Variants in FOXP2 observed in about 807,000 individuals in gnomAD.
FOXP2 encodes the protein forkhead box P2.
A neutral mutation model predicts 115.8 loss-of-function variants in FOXP2; 12 were observed. The ratio of observed to expected loss-of-function variants is 0.10; its 90% CI spans 0.07 to 0.17. The LOEUF (loss-of-function observed/expected upper bound fraction) is 0.17. Among genes scored for constraint, FOXP2 ranks in the 10% least tolerant of loss-of-function variants. The probability of loss-of-function intolerance (pLI) is 1.00; values close to 1 mark genes in which losing one functional copy is unlikely to be tolerated. For missense variants in FOXP2, 629 were observed against 843.5 expected (o/e 0.75, Z 3.15); for synonymous variants, 328 against 297.7 (o/e 1.10, Z -1.05).
At chr7:114,177,133 A>G (rs987712892) in intron 1 of FOXP2, among the ~76,000 whole-genome samples, 1 of 152,142 alleles carries the variant, frequency 6.6e-6, no homozygotes, top group Non-Finnish European at 1.5e-5. Flanking sequence ...GTGTTTGGCT[A>G]TTAGGAATAA....
intron 3 of FOXP2, among the ~76,000 whole-genome samples, chr7:114,604,431 C>T (rs779205470): frequency 6.0e-4 from 92 of 152,130 alleles, no homozygotes; most frequent in Non-Finnish European, 9.7e-4. Context: ...AGAATAGTCT[C>T]TCATATGTTA....
At chr7:114,542,770 T>A (rs1433726340) in intron 3 of FOXP2, among the ~76,000 whole-genome samples, 2 of 148,480 alleles carry the variant, frequency 1.3e-5, no homozygotes, top group Non-Finnish European at 3.0e-5. Flanking sequence ...GGAATAAATT[T>A]TTTTGTTTTT....
intron 1 of FOXP2, among the ~76,000 whole-genome samples, chr7:114,244,152 G>T: frequency 6.6e-6 from 1 of 151,748 alleles, no homozygotes; most frequent in African/African-American, 2.4e-5. Flanking sequence ...GTTTGTTTCC[G>T]GTTTACAAAA....
chr7:114,663,204 C>T (rs1481416326), intron 14 of FOXP2, among the ~76,000 whole-genome samples: 1 of 152,088 alleles, frequency 6.6e-6, no homozygotes, highest in East Asian at 1.9e-4. Flanking sequence ...TCCTCAAGGT[C>T]ATGTCTCACT....
intron 1 of FOXP2, among the ~76,000 whole-genome samples, chr7:114,214,511 T>G (rs953122897): frequency 1.3e-5 from 2 of 152,214 alleles, no homozygotes; most frequent in Non-Finnish European, 2.9e-5. Context: ...GAAAATCATC[T>G]TATATCCTTT....
chr7:114,124,048 GTTTC>G (rs1321384062), intron 1 of FOXP2, among the ~76,000 whole-genome samples: 5 of 151,796 alleles, frequency 3.3e-5, no homozygotes, highest in African/African-American at 9.7e-5. Context: ...CCTTTTATGG[GTTTC>G]TTTCTTCCAT....
intron 1 of FOXP2, among the ~76,000 whole-genome samples, chr7:114,183,531 T>C: frequency 6.6e-6 from 1 of 152,126 alleles, no homozygotes; most frequent in East Asian, 1.9e-4. Context: ...TCAAGACTTG[T>C]GCTGAATTAA....
intron 2 of FOXP2, among the ~76,000 whole-genome samples, chr7:114,494,853 C>A (rs985684118): frequency 1.3e-5 from 2 of 152,112 alleles, no homozygotes; most frequent in Non-Finnish European, 2.9e-5. Flanking sequence ...TGGAATGATG[C>A]TTAACTTCTC....
chr7:114,512,970 T>C (rs1001735667), intron 2 of FOXP2, among the ~76,000 whole-genome samples: 7 of 152,044 alleles, frequency 4.6e-5, no homozygotes, highest in African/African-American at 1.7e-4. Context: ...TAGTCCCAGC[T>C]AGTCTGGAGG....
chr7:114,496,237 CTGTT>C (rs1480965195), intron 2 of FOXP2, among the ~76,000 whole-genome samples: 1 of 152,046 alleles, frequency 6.6e-6, no homozygotes, highest in Non-Finnish European at 1.5e-5. Context: ...ACATTAACTT[CTGTT>C]TATCATAAAG....
chr7:114,248,408 C>T (rs1471667566), intron 1 of FOXP2, among the ~76,000 whole-genome samples: 1 of 151,958 alleles, frequency 6.6e-6, no homozygotes, highest in Non-Finnish European at 1.5e-5. Context: ...ACCTCATGGC[C>T]CAGTCAAGTT....
At chr7:114,390,579 G>A (rs1395841160) in intron 2 of FOXP2, among the ~76,000 whole-genome samples, 1 of 147,394 alleles carries the variant, frequency 6.8e-6, no homozygotes, top group African/African-American at 2.5e-5. Flanking sequence ...TTTGAGACAG[G>A]GTCTTACTCT....
intron 3 of FOXP2, among the ~76,000 whole-genome samples, chr7:114,578,439 T>C (rs978236094): frequency 1.3e-5 from 2 of 151,982 alleles, no homozygotes; most frequent in African/African-American, 2.4e-5. Context: ...TATTTTACAA[T>C]TGAAAAAAAG....
At chr7:114,356,261 A>G (rs916719730) in intron 2 of FOXP2, among the ~76,000 whole-genome samples, 2 of 152,144 alleles carry the variant, frequency 1.3e-5, no homozygotes, top group Non-Finnish European at 2.9e-5. Flanking sequence ...GTCTTACCAT[A>G]TACTTCGCAT....
chr7:114,153,247 TA>T (rs1389664132), intron 1 of FOXP2, among the ~76,000 whole-genome samples: 1 of 152,060 alleles, frequency 6.6e-6, no homozygotes, highest in East Asian at 1.9e-4. Flanking sequence ...TGCCATAAAA[TA>T]AAAATGGCAC....
intron 1 of FOXP2, among the ~76,000 whole-genome samples, chr7:114,183,105 C>G (rs955550994): frequency 6.6e-6 from 1 of 152,044 alleles, no homozygotes; most frequent in Non-Finnish European, 1.5e-5. Context: ...AAAGTCCAGT[C>G]TGTTGGGCTG....
intron 16 of FOXP2, among the ~76,000 whole-genome samples, chr7:114,685,220 T>G (rs1000324457): frequency 2.6e-5 from 4 of 152,180 alleles, no homozygotes; most frequent in African/African-American, 2.4e-5. Flanking sequence ...TAGGACCAAA[T>G]AGTTTATTTA....
At chr7:114,326,039 A>G (rs1377133166) in intron 2 of FOXP2, among the ~76,000 whole-genome samples, 1 of 152,154 alleles carries the variant, frequency 6.6e-6, no homozygotes, top group Non-Finnish European at 1.5e-5. Flanking sequence ...CGTGAAGTTC[A>G]GTAAAATCAA....
intron 2 of FOXP2, among the ~76,000 whole-genome samples, chr7:114,390,023 C>CAAAAAAAAAAAAAAAAA (rs11311566): frequency 1.1e-5 from 1 of 93,192 alleles, no homozygotes; most frequent in African/African-American, 4.2e-5. Context: ...CATTCAGTGT[C>CAAAAAAAAAAAAAAAAA]AAAAAAAAAA....
Sources: allele counts gnomAD v4.1 joint callset (sites outside exome capture counted in the v4.1 genomes callset), GRCh38; gene constraint gnomAD v4.1.1; transcripts MANE v1.5; gene names NCBI Gene and HGNC (gene_info 2026-07-23, HGNC 2026-07-21).